Variants in SHANK2 observed in about 807,000 individuals in gnomAD.
The protein encoded by SHANK2 is SH3 and multiple ankyrin repeat domains 2, also known as SH3 and multiple ankyrin repeat domains protein 2.
Under a neutral mutation model 133.7 loss-of-function variants are expected in SHANK2, and 43 were observed. The observed-to-expected ratio is 0.32, with a 90% CI of 0.25 to 0.41. The LOEUF (loss-of-function observed/expected upper bound fraction) is 0.41. Among genes scored for constraint, SHANK2 ranks in the 10% least tolerant of loss-of-function variants. The pLI is 1.00. For missense variants in SHANK2, 1,994 were observed against 2,235.8 expected (o/e 0.89, Z 2.18); for synonymous variants, 1,017 against 952.8 (o/e 1.07, Z -1.24).
At chr11:71,206,433 G>A (rs1265190510) in intron 2 of SHANK2, among the ~76,000 whole-genome samples, 1 of 152,222 alleles carries the variant, frequency 6.6e-6, no homozygotes, top group Non-Finnish European at 1.5e-5. Context: ...CTGCCACTCA[G>A]AGTGTCAGGA....
chr11:70,533,526 T>C (rs573234761), intron 17 of SHANK2, among the ~76,000 whole-genome samples: 1 of 152,314 alleles, frequency 6.6e-6, no homozygotes, highest in South Asian at 2.1e-4. Flanking sequence ...GCCCATGTCA[T>C]CTGGCCCCTC....
At chr11:71,253,190 C>T (rs1456681179), upstream of SHANK2, among the ~76,000 whole-genome samples, 6 of 152,182 alleles carry the variant, frequency 3.9e-5, no homozygotes, top group Admixed American at 3.9e-4. Flanking sequence ...GGGTGAATCC[C>T]AGAGGCCAAA....
intron 17 of SHANK2, among the ~76,000 whole-genome samples, chr11:70,573,383 C>A (rs1424019293): frequency 6.7e-6 from 1 of 148,300 alleles, no homozygotes; most frequent in Admixed American, 6.8e-5. Context: ...TTGACCTTGG[C>A]GATGGTTTCC....
At chr11:70,875,524 AAACAACAACAACAAC>A (rs71049946) in intron 11 of SHANK2, among the ~76,000 whole-genome samples, 3 of 146,448 alleles carry the variant, frequency 2.0e-5, no homozygotes, top group Non-Finnish European at 4.5e-5. Context: ...ACTCCGTCTC[AAACAACAACAACAAC>A]AACAACAACA....
chr11:71,144,699 C>T (rs1952613577), intron 3 of SHANK2, among the ~76,000 whole-genome samples: 2 of 152,136 alleles, frequency 1.3e-5, no homozygotes, highest in East Asian at 3.8e-4. Flanking sequence ...AAAATTCCAG[C>T]CTTCCAGTGT....
rs189238798 is a variant in SHANK2, at chr11:70,492,340, T to C, written c.2434A>G (p.Met812Val). The C allele has an allele frequency of 1.1e-5, 17 of 1,611,258 alleles. No individual in the cohort carries two copies. Among genetic ancestry groups the C allele is most frequent in the Admixed American group, 1.7e-5 (1 of 60,008 alleles). ...CCCAAGGTACGGCCACTCACGTTCA[T>C]GTCTGAGCCCGCCGGGAAGCACCGG... is the stretch of plus-strand genomic sequence containing the variant. ...SSRCFPAGSD[M>V]NSVYERQGIA... Residue 812 changes from methionine (M) to valine (V), a missense_variant, in exon 22 of 26, where the codon ATG becomes GTG. By Grantham distance (21) the Met-to-Val change is conservative (BLOSUM62 1). This residue lies in a region of SHANK2 where 488 missense variants were observed against 642.6 expected (regional missense o/e 0.76). Coordinates refer to ENST00000601538, the MANE Select transcript of SHANK2 (RefSeq NM_012309.5).
intron 24 of SHANK2, 80 bp downstream of exon 24, chr11:70,489,248 G>T: frequency 7.3e-7 from 1 of 1,369,118 alleles, no homozygotes. Context: ...TTCCCAAGGA[G>T]TACTAATTTA....
chr11:71,086,382 AATATATG>A (rs1189023884), intron 8 of SHANK2, among the ~76,000 whole-genome samples: 18 of 129,790 alleles, frequency 1.4e-4, no homozygotes, highest in African/African-American at 3.0e-4. Flanking sequence ...ATACATTTAT[AATATATG>A]ATATATGATA....
At chr11:70,828,352 T>G (rs1948677290) in intron 11 of SHANK2, among the ~76,000 whole-genome samples, 1 of 152,134 alleles carries the variant, frequency 6.6e-6, no homozygotes, top group African/African-American at 2.4e-5. Flanking sequence ...CTCACACAAC[T>G]CATGAGCCAT....
At chr11:70,867,807 T>G (rs1270952130) in intron 11 of SHANK2, among the ~76,000 whole-genome samples, 1 of 152,250 alleles carries the variant, frequency 6.6e-6, no homozygotes, top group African/African-American at 2.4e-5. Context: ...CATTTCAGCG[T>G]TCAGCACACA....
At position 70,864,563 on chromosome 11, in the gene SHANK2, G is replaced by T. The variant is rs76077834; in HGVS notation, c.1174+31938C>A. On this transcript the variant is annotated intron_variant, in intron 11 of 25. Coordinates refer to ENST00000601538, the MANE Select transcript of SHANK2 (RefSeq NM_012309.5). Reference sequence around the variant, plus strand: ...TTCTCCAGGTAAAAGCAGCCGTATTGGGGGAAGGCCTCTATTCTTGTAATG... The same window carrying T: ...TTCTCCAGGTAAAAGCAGCCGTATTTGGGGAAGGCCTCTATTCTTGTAATG... The T allele has an allele frequency of 2.0e-5, 3 of 152,256 alleles. No individual in the cohort carries two copies. In the East Asian group the frequency reaches 5.8e-4, roughly 29 times the overall value. 9.4% of individuals were successfully genotyped at this position (152,256 alleles called of 1,614,324 possible).
chr11:70,894,291 G>A (rs1030827017), intron 11 of SHANK2, among the ~76,000 whole-genome samples: 4 of 152,042 alleles, frequency 2.6e-5, no homozygotes, highest in Non-Finnish European at 4.4e-5. Context: ...GGGTTCAAGC[G>A]ATTCTCCTGC....
At chr11:70,623,466 CCCCGAAGGCTGCG>C (rs1321970199) in intron 17 of SHANK2, among the ~76,000 whole-genome samples, 8 of 152,212 alleles carry the variant, frequency 5.3e-5, no homozygotes, top group African/African-American at 1.7e-4. Flanking sequence ...GCCAGATGCA[CCCCGAAGGCTGCG>C]CCCCCACAGC....
chr11:70,927,489 G>C (rs1382652470), intron 10 of SHANK2, among the ~76,000 whole-genome samples: 1 of 151,934 alleles, frequency 6.6e-6, no homozygotes, highest in Non-Finnish European at 1.5e-5. Context: ...CATGGGGAGA[G>C]GGCAGGCGAG....
intron 14 of SHANK2, among the ~76,000 whole-genome samples, chr11:70,732,368 T>C (rs1555032462): frequency 6.6e-6 from 1 of 152,198 alleles, no homozygotes. Flanking sequence ...CTCTCTCTCC[T>C]GGGCCCTGTG....
At chr11:71,080,301 G>A (rs930055172) in intron 8 of SHANK2, among the ~76,000 whole-genome samples, 29 of 152,234 alleles carry the variant, frequency 1.9e-4, no homozygotes, top group African/African-American at 6.0e-4. Context: ...GGCTCCCCTC[G>A]AGACTGTTTG....
chr11:70,477,771 G>A (rs2058682068), intron 25 of SHANK2, among the ~76,000 whole-genome samples: 1 of 152,224 alleles, frequency 6.6e-6, no homozygotes, highest in Non-Finnish European at 1.5e-5. Context: ...AACCGCCTGT[G>A]AGTGTGAGAC....
chr11:70,912,169 G>A (rs1453884643), intron 10 of SHANK2, among the ~76,000 whole-genome samples: 1 of 151,442 alleles, frequency 6.6e-6, no homozygotes, highest in Non-Finnish European at 1.5e-5. Flanking sequence ...TATGAAGGTG[G>A]TGGTGGTGAC....
At chr11:70,933,502 T>C (rs557334095) in intron 10 of SHANK2, among the ~76,000 whole-genome samples, 6 of 152,318 alleles carry the variant, frequency 3.9e-5, no homozygotes, top group African/African-American at 9.6e-5. Context: ...ATGATCAAAA[T>C]TGATAAATTT....
Sources: allele counts gnomAD v4.1 joint callset (sites outside exome capture counted in the v4.1 genomes callset), GRCh38; gene constraint gnomAD v4.1.1; regional missense constraint gnomAD v4.1.1; transcripts MANE v1.5; gene names NCBI Gene and HGNC (gene_info 2026-07-23, HGNC 2026-07-21).